Variants in LCA5 observed in about 807,000 individuals in gnomAD.
LCA5 encodes the protein lebercilin LCA5, also known as lebercilin.
Under a neutral mutation model 53.0 loss-of-function variants are expected in LCA5, and 37 were observed. The ratio of observed to expected loss-of-function variants is 0.70; its 90% CI spans 0.54 to 0.92. The LOEUF is 0.92. Ranked by LOEUF, LCA5 falls within the 40% of genes least tolerant of loss-of-function variation. The probability of loss-of-function intolerance (pLI) is 0.00; values close to 1 mark genes in which losing one functional copy is unlikely to be tolerated. For missense variants in LCA5, 806 were observed against 790.5 expected, an observed-to-expected ratio of 1.02 and a Z score of -0.23; for synonymous variants, 303 against 282.9, an observed-to-expected ratio of 1.07 and a Z score of -0.71.
intron 1 of LCA5, among the ~76,000 whole-genome samples, chr6:79,533,552 G>C (rs1384964766): frequency 6.7e-6 from 1 of 149,440 alleles, no homozygotes; most frequent in Admixed American, 6.7e-5. Flanking sequence ...TCTAATACTT[G>C]ACATTGTTCA....
chr6:79,535,895 A>T (rs982703425), intron 1 of LCA5, among the ~76,000 whole-genome samples: 6 of 152,204 alleles, frequency 3.9e-5, no homozygotes, highest in Admixed American at 3.3e-4. Flanking sequence ...CCCACAAAGG[A>T]GTTGAAGAAT....
At chr6:79,500,589 T>C (rs577521015) in intron 3 of LCA5, among the ~76,000 whole-genome samples, 71 of 152,292 alleles carry the variant, frequency 4.7e-4, no homozygotes, top group African/African-American at 1.6e-3. Flanking sequence ...AGTAATACTT[T>C]TTTACAGTAT....
At chr6:79,496,351 C>A (rs1383645296) in intron 3 of LCA5, among the ~76,000 whole-genome samples, 1 of 152,184 alleles carries the variant, frequency 6.6e-6, no homozygotes, top group Non-Finnish European at 1.5e-5. Flanking sequence ...AAGCCAGTGT[C>A]TATACAAAGA....
At chr6:79,495,250 C>T (rs1769949013) in intron 3 of LCA5, among the ~76,000 whole-genome samples, 1 of 152,144 alleles carries the variant, frequency 6.6e-6, no homozygotes, top group Non-Finnish European at 1.5e-5. Context: ...TGAAACCATC[C>T]CCCTCAACCC....
At chr6:79,515,386 G>A (rs1461984814) in intron 2 of LCA5, among the ~76,000 whole-genome samples, 1 of 152,022 alleles carries the variant, frequency 6.6e-6, no homozygotes, top group Non-Finnish European at 1.5e-5. Context: ...ACCCTAATGT[G>A]AGAAGATGAA....
chr6:79,511,034 AAAC>A (rs984413333), intron 3 of LCA5, among the ~76,000 whole-genome samples: 27 of 152,152 alleles, frequency 1.8e-4, no homozygotes, highest in African/African-American at 4.6e-4. Context: ...CAAATGGAAA[AAAC>A]AACAACAAAG....
intron 3 of LCA5, among the ~76,000 whole-genome samples, chr6:79,502,226 C>G (rs1302634874): frequency 6.6e-6 from 1 of 152,116 alleles, no homozygotes; most frequent in African/African-American, 2.4e-5. Flanking sequence ...TTCTTCAGTC[C>G]TCTGGAGGAT....
chr6:79,495,168 G>C (rs1007172580), intron 3 of LCA5, among the ~76,000 whole-genome samples: 1 of 152,186 alleles, frequency 6.6e-6, no homozygotes, highest in African/African-American at 2.4e-5. Context: ...AACTGTGCCT[G>C]CGAGGGTTCT....
intron 1 of LCA5, among the ~76,000 whole-genome samples, chr6:79,534,860 CA>C (rs1359830080): frequency 1.3e-5 from 2 of 152,066 alleles, no homozygotes; most frequent in East Asian, 3.9e-4. Context: ...GGCATATCAC[CA>C]AACTGCAAAT....
intron 6 of LCA5, among the ~76,000 whole-genome samples, chr6:79,490,263 T>C (rs1769800825): frequency 2.0e-5 from 3 of 151,826 alleles, no homozygotes; most frequent in African/African-American, 7.3e-5. Context: ...AAGAGCTTTA[T>C]AAATGTCATG....
At chr6:79,516,323 CA>C (rs1405020596) in intron 2 of LCA5, among the ~76,000 whole-genome samples, 6 of 151,674 alleles carry the variant, frequency 4.0e-5, no homozygotes, top group African/African-American at 1.5e-4. Context: ...GATATATACT[CA>C]GCTCTTGGAA....
At chr6:79,488,142 A>T in intron 7 of LCA5, 1 of 372,938 alleles carries the variant, frequency 2.7e-6, no homozygotes, top group Non-Finnish European at 4.8e-6. Flanking sequence ...TATAACTAAT[A>T]TAATGCTGTA....
At chr6:79,503,867 A>G (rs1200354156) in intron 3 of LCA5, among the ~76,000 whole-genome samples, 4 of 152,088 alleles carry the variant, frequency 2.6e-5, no homozygotes, top group Admixed American at 2.0e-4. Flanking sequence ...TTAACAGTCT[A>G]ACTAATAGTC....
chr6:79,487,262 A>G lies in LCA5; in HGVS notation c.1836T>C (p.Ser612=). 1.2e-6 allele frequency: 2 copies of G among 1,614,036 alleles called. No individual in the cohort carries two copies. Among genetic ancestry groups the G allele is most frequent in the Non-Finnish European group, 1.7e-6 (2 of 1,179,938 alleles). ...ANLMEQLFGA[S]GSSTISSKSS... is the part of the protein sequence containing the mutation. ...TTTTGGAGGAAATGGTGCTGCTACC[A>G]CTGGCACCAAATAACTGTTCCATCA... The change falls in exon 8 of 8, where the codon AGT becomes AGC. Residue 612 remains serine, a synonymous_variant. Coordinates refer to ENST00000369846, the MANE Select transcript of LCA5 (RefSeq NM_001122769.3).
upstream of LCA5, chr6:79,537,443 G>T (rs1582663904): frequency 6.6e-6 from 1 of 152,398 alleles, no homozygotes; most frequent in East Asian, 1.9e-4. Flanking sequence ...ACTACGAAGA[G>T]ACCGCAGCCA....
intron 3 of LCA5, among the ~76,000 whole-genome samples, chr6:79,508,629 GA>G (rs200329614): frequency 0.15 from 20,360 of 140,306 alleles, 1,684 homozygotes; most frequent in East Asian, 0.24. Flanking sequence ...TACAGCAAAA[GA>G]AAAAAAAAAA....
intron 3 of LCA5, among the ~76,000 whole-genome samples, chr6:79,502,047 A>G (rs187286280): frequency 6.6e-6 from 1 of 152,244 alleles, no homozygotes; most frequent in Admixed American, 6.5e-5. Flanking sequence ...AAAACATTTA[A>G]AAACCTGGTA....
At chr6:79,509,959 A>C (rs1466622114) in intron 3 of LCA5, among the ~76,000 whole-genome samples, 2 of 152,184 alleles carry the variant, frequency 1.3e-5, no homozygotes. Flanking sequence ...AATTCCTACA[A>C]AAATTCCAGG....
chr6:79,530,881 C>A (rs1766938814), intron 1 of LCA5, among the ~76,000 whole-genome samples: 1 of 151,784 alleles, frequency 6.6e-6, no homozygotes, highest in Admixed American at 6.6e-5. Flanking sequence ...AAAAATTAGA[C>A]CAAAAAAAAG....
Sources: gnomAD v4.1 joint callset for allele counts (sites outside exome capture counted in the v4.1 genomes callset) on GRCh38, gnomAD v4.1.1 for gene constraint, MANE v1.5 for transcripts, NCBI Gene and HGNC (gene_info 2026-07-23, HGNC 2026-07-21) for gene names.